Variants in AFAP1 observed in about 807,000 individuals in gnomAD.
The protein encoded by AFAP1 is actin filament associated protein 1.
In AFAP1, 75 loss-of-function variants were observed where a neutral mutation model predicts 93.9. The observed-to-expected ratio is 0.80, with a 90% confidence interval of 0.66 to 0.97. The LOEUF (loss-of-function observed/expected upper bound fraction) is 0.97. AFAP1 is among the 50% of genes least tolerant of loss of function. The pLI, the probability that AFAP1 is intolerant of heterozygous loss-of-function variation, is 0.00. For missense variants in AFAP1, 1,201 were observed against 1,050.8 expected (o/e 1.14, Z -1.98); for synonymous variants, 517 against 430.7 (o/e 1.20, Z -2.48).
At chr4:7,833,973 G>T (rs184967986) in intron 6 of AFAP1, among the ~76,000 whole-genome samples, 17 of 151,946 alleles carry the variant, frequency 1.1e-4, no homozygotes, top group African/African-American at 3.9e-4. Flanking sequence ...GGAAAAGAAG[G>T]CATTATAAAA....
chr4:7,907,493 G>T (rs547599434), intron 1 of AFAP1, among the ~76,000 whole-genome samples: 32 of 152,258 alleles, frequency 2.1e-4, no homozygotes, highest in African/African-American at 7.5e-4. Context: ...TGAGATTATG[G>T]AAGAAAATAG....
At chr4:7,889,428 G>A (rs955670870) in intron 1 of AFAP1, among the ~76,000 whole-genome samples, 8 of 150,852 alleles carry the variant, frequency 5.3e-5, no homozygotes, top group African/African-American at 1.7e-4. Context: ...CGTGCCTGTA[G>A]CCCCAGCTAC....
At position 7,774,919 on chromosome 4, in the gene AFAP1, AAGC is replaced by A. The variant is rs780206302; in HGVS notation, c.1898-19_1898-17del. On this transcript the variant is annotated splice_polypyrimidine_tract_variant and intron_variant, in intron 14 of 17. Coordinates refer to ENST00000420658, the MANE Select transcript of AFAP1 (RefSeq NM_001134647.2). Reference sequence around the variant, plus strand: ...TGGGCAGCATCTTGAGAAGAAAAAAAAGCAGCAATTAAAAATTAGGTTTACTAG... The same window carrying A: ...TGGGCAGCATCTTGAGAAGAAAAAAAAGCAATTAAAAATTAGGTTTACTAG... 9 of 1,597,224 alleles carry A rather than the reference AAGC, an allele frequency of 5.6e-6. No individual in the cohort carries two copies. The East Asian group carries it at 1.3e-4, about 24-fold the overall frequency.
In AFAP1 at chr4:7,800,475, C is replaced by A; in HGVS notation, c.1233G>T (p.Leu411=). The part of the protein sequence containing the change: ...LDSKHPLTFR[L]LRNGQEVAVL... ...CTGCAACCTCCTGGCCGTTGCGCAG[C>A]AGCCGGAACGTCAGAGGATGTTTAG... Residue 411 remains leucine, a synonymous_variant, in exon 10 of 18, where the codon CTG becomes CTT. Transcript: ENST00000420658. 6.2e-7 allele frequency: 1 copy of A among 1,614,230 alleles called. No homozygotes were observed. Among genetic ancestry groups the A allele is most frequent in the Non-Finnish European group, 8.5e-7 (1 of 1,180,046 alleles).
chr4:7,871,681 T>G (rs1717061508), intron 2 of AFAP1, among the ~76,000 whole-genome samples: 1 of 152,192 alleles, frequency 6.6e-6, no homozygotes, highest in South Asian at 2.1e-4. Flanking sequence ...CCAAGTCCCG[T>G]GAGTCCTTCC....
At chr4:7,871,584 ATCT>A (rs1380323889) in intron 2 of AFAP1, among the ~76,000 whole-genome samples, 2 of 152,104 alleles carry the variant, frequency 1.3e-5, no homozygotes, top group African/African-American at 4.8e-5. Context: ...TTCCGCCTAC[ATCT>A]TCTCCCTTCC....
intron 1 of AFAP1, among the ~76,000 whole-genome samples, chr4:7,893,110 C>T (rs983841049): frequency 2.0e-5 from 3 of 152,178 alleles, no homozygotes; most frequent in African/African-American, 7.2e-5. Context: ...GAAACCACCC[C>T]GTTTCTCCTG....
chr4:7,801,387 CAGAT>C lies in AFAP1; in HGVS notation c.1055-738_1055-735del, dbSNP rs771079768. 1.5e-3 allele frequency among the ~76,000 whole-genome samples: 223 copies of C among 151,832 alleles called. 2 individuals carry two copies. The highest frequency in any genetic ancestry group is 1.4e-3 in the Non-Finnish European group (94 of 67,966). ...ATGGCACAACATCTTCAGTATATCA[CAGAT>C]AGAGGAGTGGTAGAATGACAGGAAA... On this transcript the variant is annotated intron_variant, in intron 9 of 17. Transcript: ENST00000420658.
intron 2 of AFAP1, among the ~76,000 whole-genome samples, chr4:7,869,187 A>G (rs1048649027): frequency 3.3e-5 from 5 of 151,780 alleles, no homozygotes; most frequent in Non-Finnish European, 5.9e-5. Context: ...AGAGAAAAGA[A>G]AAGAGGAAGG....
intron 3 of AFAP1, among the ~76,000 whole-genome samples, chr4:7,858,363 T>A (rs1715301589): frequency 6.6e-6 from 1 of 152,178 alleles, no homozygotes; most frequent in Non-Finnish European, 1.5e-5. Flanking sequence ...CACTTTGAAA[T>A]AATACCCCCT....
At chr4:7,823,731 T>C (rs1721180176) in intron 6 of AFAP1, among the ~76,000 whole-genome samples, 1 of 152,174 alleles carries the variant, frequency 6.6e-6, no homozygotes, top group Non-Finnish European at 1.5e-5. Flanking sequence ...CCAGCCACGT[T>C]TGCTCTCTAA....
chr4:7,934,154 A>G (rs1394984765), intron 1 of AFAP1, among the ~76,000 whole-genome samples: 1 of 152,166 alleles, frequency 6.6e-6, no homozygotes, highest in Non-Finnish European at 1.5e-5. Context: ...AACACCTACA[A>G]ATTTTAGGTT....
At chr4:7,907,714 G>A (rs572111650) in intron 1 of AFAP1, among the ~76,000 whole-genome samples, 3 of 152,110 alleles carry the variant, frequency 2.0e-5, no homozygotes, top group Admixed American at 6.5e-5. Context: ...CAACCAGCAA[G>A]TATAATACAT....
Position 7,822,225 on chromosome 4 carries a change from G to T in AFAP1, c.727-3054C>A, listed in dbSNP as rs139653195. ...ACCCACCTGGGTTTAAACCCCAGGT[G>T]GACCACTTGCTGTTTATGTGAAGCT... On this transcript the variant is annotated intron_variant, in intron 6 of 17. Transcript: ENST00000420658. Among the ~76,000 whole-genome samples, 92 of 152,266 alleles carry T rather than the reference G, an allele frequency of 6.0e-4. No individual in the cohort carries two copies. The East Asian group carries it at 0.016, about 27-fold the overall frequency.
At chr4:7,855,040 T>G (rs1234957789) in intron 4 of AFAP1, among the ~76,000 whole-genome samples, 1 of 152,220 alleles carries the variant, frequency 6.6e-6, no homozygotes, top group East Asian at 1.9e-4. Flanking sequence ...AGACGCCTGT[T>G]TGTGCTGTAC....
intron 1 of AFAP1, among the ~76,000 whole-genome samples, chr4:7,876,908 A>G (rs1381950836): frequency 6.6e-6 from 1 of 152,184 alleles, no homozygotes; most frequent in Non-Finnish European, 1.5e-5. Flanking sequence ...CACAGACTAA[A>G]TAAACCATAT....
chr4:7,877,270 A>G (rs1717566916), intron 1 of AFAP1, among the ~76,000 whole-genome samples: 1 of 152,162 alleles, frequency 6.6e-6, no homozygotes, highest in African/African-American at 2.4e-5. Context: ...GAGAATGACC[A>G]TTTTCTCACA....
chr4:7,783,447 T>C (rs1716971737), intron 12 of AFAP1, among the ~76,000 whole-genome samples: 1 of 152,158 alleles, frequency 6.6e-6, no homozygotes, highest in South Asian at 2.1e-4. Context: ...GCTATAAGTA[T>C]GAACTTTTAA....
At chr4:7,896,529 C>T (rs1397585760) in intron 1 of AFAP1, among the ~76,000 whole-genome samples, 2 of 151,192 alleles carry the variant, frequency 1.3e-5, no homozygotes, top group African/African-American at 4.9e-5. Context: ...AAGGCTCAGT[C>T]CTCACTCCCC....
Sources: allele counts gnomAD v4.1 joint callset (sites outside exome capture counted in the v4.1 genomes callset), GRCh38; gene constraint gnomAD v4.1.1; transcripts MANE v1.5; gene names NCBI Gene and HGNC (gene_info 2026-07-23, HGNC 2026-07-21).